Variants in NALF1 observed in about 807,000 individuals in gnomAD.
NALF1 encodes the protein family with sequence similarity 155 member A.
Under a neutral mutation model 48.4 loss-of-function variants are expected in NALF1, and 3 were observed. The ratio of observed to expected loss-of-function variants is 0.06; its 90% CI spans 0.03 to 0.16. The LOEUF is 0.16. Ranked by LOEUF, NALF1 falls within the 10% of genes least tolerant of loss-of-function variation. The pLI, the probability that NALF1 is intolerant of heterozygous loss-of-function variation, is 1.00. For missense variants in NALF1, 526 were observed against 571.5 expected (o/e 0.92, Z 0.81); for synonymous variants, 262 against 245.7 (o/e 1.07, Z -0.62).
rs1878744179 is a variant in NALF1 at position 107,169,448 on chromosome 13, C to CA, written c.*1048dup. 1 of 151,896 alleles carries CA rather than the reference C, an allele frequency of 6.6e-6. No homozygotes were observed. Among genetic ancestry groups the CA allele is most frequent in the Non-Finnish European group, 1.5e-5 (1 of 67,992 alleles). The allele number at this position is 151,896 out of a possible 1,614,324, so 9.4% of individuals were successfully genotyped here. A position where few individuals can be genotyped will look rare whatever the true frequency, so the allele number is the denominator to read the frequency against. ...GTTTGTTCCCTGTAATTACAATGGC[C>CA]AAAATGTGCTCCTATATTACTGCAA... is the stretch of plus-strand genomic sequence containing the variant. On this transcript the variant is annotated 3_prime_UTR_variant, in exon 3 of 3. Coordinates refer to ENST00000375915, the MANE Select transcript of NALF1 (RefSeq NM_001080396.3).
chr13:107,750,561 G>A (rs571220426), intron 1 of NALF1, among the ~76,000 whole-genome samples: 2 of 151,044 alleles, frequency 1.3e-5, no homozygotes, highest in Non-Finnish European at 2.9e-5. Flanking sequence ...AATTATAATT[G>A]ATGTTGGATT....
At chr13:107,281,578 T>A (rs933530992) in intron 1 of NALF1, among the ~76,000 whole-genome samples, 4 of 152,186 alleles carry the variant, frequency 2.6e-5, no homozygotes, top group African/African-American at 9.6e-5. Flanking sequence ...TGAGAAGGGA[T>A]GAGTTATCTC....
intron 1 of NALF1, among the ~76,000 whole-genome samples, chr13:107,593,614 C>A (rs187396143): frequency 5.3e-5 from 8 of 152,038 alleles, no homozygotes; most frequent in Middle Eastern, 3.4e-3. Context: ...TCACACCATT[C>A]AATAAATTCC....
At chr13:107,479,352 T>C (rs1467550693) in intron 1 of NALF1, among the ~76,000 whole-genome samples, 1 of 152,170 alleles carries the variant, frequency 6.6e-6, no homozygotes. Flanking sequence ...TAGTATCTCT[T>C]TGTTTTACTT....
intron 2 of NALF1, among the ~76,000 whole-genome samples, chr13:107,186,196 G>A (rs571102107): frequency 6.6e-6 from 1 of 152,116 alleles, no homozygotes; most frequent in East Asian, 1.9e-4. Flanking sequence ...AGCGTTTGAC[G>A]GGGTTTAGTA....
At chr13:107,477,933 A>C (rs2139058086) in intron 1 of NALF1, among the ~76,000 whole-genome samples, 1 of 152,202 alleles carries the variant, frequency 6.6e-6, no homozygotes, top group Admixed American at 6.5e-5. Flanking sequence ...TAGAAGCCTA[A>C]CTTCAGCAGA....
intron 1 of NALF1, among the ~76,000 whole-genome samples, chr13:107,296,156 TATC>T (rs1197845885): frequency 1.3e-5 from 2 of 152,162 alleles, no homozygotes; most frequent in African/African-American, 4.8e-5. Context: ...AATTACACAA[TATC>T]ATCACATTAA....
chr13:107,429,379 G>C (rs1327491542), intron 1 of NALF1, among the ~76,000 whole-genome samples: 1 of 151,782 alleles, frequency 6.6e-6, no homozygotes, highest in Non-Finnish European at 1.5e-5. Context: ...TTATTATGCT[G>C]ACATGCCAAA....
chr13:107,491,937 T>C (rs1209792465), intron 1 of NALF1, among the ~76,000 whole-genome samples: 1 of 151,806 alleles, frequency 6.6e-6, no homozygotes, highest in African/African-American at 2.4e-5. Context: ...TTATTATTAT[T>C]ATCCTGCTGA....
intron 1 of NALF1, among the ~76,000 whole-genome samples, chr13:107,385,746 T>C (rs1049834077): frequency 6.6e-6 from 1 of 152,214 alleles, no homozygotes; most frequent in African/African-American, 2.4e-5. Flanking sequence ...ATGCCAATTC[T>C]TTAAAAATAG....
At chr13:107,845,823 T>C (rs1880156921) in intron 1 of NALF1, among the ~76,000 whole-genome samples, 1 of 152,260 alleles carries the variant, frequency 6.6e-6, no homozygotes, top group Non-Finnish European at 1.5e-5. Flanking sequence ...TTTAGCACCA[T>C]AATACTACCC....
intron 1 of NALF1, among the ~76,000 whole-genome samples, chr13:107,729,028 CT>C (rs1876237343): frequency 6.6e-6 from 1 of 152,112 alleles, no homozygotes; most frequent in Non-Finnish European, 1.5e-5. Flanking sequence ...ATTTAAATAA[CT>C]TTTTAGGGGA....
chr13:107,429,231 A>G (rs1413354070), intron 1 of NALF1, among the ~76,000 whole-genome samples: 1 of 151,794 alleles, frequency 6.6e-6, no homozygotes, highest in African/African-American at 2.4e-5. Context: ...CTGAGTCAGG[A>G]GGATTGCCTG....
At chr13:107,733,868 G>C (rs1171851500) in intron 1 of NALF1, among the ~76,000 whole-genome samples, 1 of 152,092 alleles carries the variant, frequency 6.6e-6, no homozygotes, top group Admixed American at 6.6e-5. Context: ...GCTTAAGAAG[G>C]AGGATATGAA....
intron 1 of NALF1, among the ~76,000 whole-genome samples, chr13:107,766,062 C>A (rs1877411754): frequency 1.3e-5 from 2 of 152,086 alleles, no homozygotes; most frequent in South Asian, 4.1e-4. Flanking sequence ...TATAATAGGT[C>A]CATCGAAGGC....
chr13:107,210,474 C>T, intron 2 of NALF1, 110 bp downstream of exon 2: 1 of 763,182 alleles, frequency 1.3e-6, no homozygotes. Flanking sequence ...AAACTACCAG[C>T]CGCATCTTCA....
intron 1 of NALF1, among the ~76,000 whole-genome samples, chr13:107,379,032 T>A (rs1883387890): frequency 6.6e-6 from 1 of 152,202 alleles, no homozygotes; most frequent in South Asian, 2.1e-4. Context: ...ATCACCACCG[T>A]GGCTTGATAA....
At chr13:107,821,601 T>C (rs902764733) in intron 1 of NALF1, among the ~76,000 whole-genome samples, 3 of 152,046 alleles carry the variant, frequency 2.0e-5, no homozygotes, top group African/African-American at 7.3e-5. Context: ...CTTCAAACTG[T>C]CAAGTCATGA....
At chr13:107,302,869 CACAG>C (rs1368761645) in intron 1 of NALF1, among the ~76,000 whole-genome samples, 3 of 152,152 alleles carry the variant, frequency 2.0e-5, no homozygotes, top group Non-Finnish European at 4.4e-5. Context: ...CACAGACACA[CACAG>C]ACACACACAC....
Sources: allele counts gnomAD v4.1 joint callset (sites outside exome capture counted in the v4.1 genomes callset), GRCh38; gene constraint gnomAD v4.1.1; transcripts MANE v1.5; gene names NCBI Gene and HGNC (gene_info 2026-07-23, HGNC 2026-07-21).